Variants in BCAR1 observed in about 807,000 individuals in gnomAD.
BCAR1 encodes the protein breast cancer anti-estrogen resistance protein 1.
In BCAR1, 30 loss-of-function variants were observed where a neutral mutation model predicts 67.6. The ratio of observed to expected loss-of-function variants is 0.44; its 90% CI spans 0.33 to 0.60. The LOEUF (loss-of-function observed/expected upper bound fraction) is 0.60, where lower values mean the gene tolerates loss of function less well. Among genes scored for constraint, BCAR1 ranks in the 20% least tolerant of loss-of-function variants. The pLI, the probability that BCAR1 is intolerant of heterozygous loss-of-function variation, is 0.02. For synonymous variants in BCAR1, 626 were observed against 556.7 expected (o/e 1.12, Z -1.75); for missense variants, 1,313 against 1,222.3 (o/e 1.07, Z -1.11).
At chr16:75,243,582 C>G (rs4887810) in intron 1 of BCAR1, 1 of 444,580 alleles carries the variant, frequency 2.2e-6, no homozygotes, top group South Asian at 1.6e-5. Context: ...CTATCTACCC[C>G]AAATCCAAAA....
chr16:75,229,366 C>G lies in BCAR1; in HGVS notation c.*145G>C, dbSNP rs999156332. The G allele has an allele frequency of 1.6e-6, 2 of 1,272,194 alleles. No homozygotes were observed. Among genetic ancestry groups the G allele is most frequent in the Non-Finnish European group, 2.1e-6 (2 of 954,132 alleles). 78.8% of individuals were successfully genotyped at this position (1,272,194 alleles called of 1,614,324 possible). On this transcript the variant is annotated 3_prime_UTR_variant, in exon 7 of 7. Coordinates refer to ENST00000162330, the MANE Select transcript of BCAR1 (RefSeq NM_014567.5). The stretch of plus-strand genomic sequence containing the variant: ...CACCCTGCCCGGCCATAAATATATA[C>G]AGATTCCTGGGCATCCAGGGCACCA...
chr16:75,229,412 T>A lies in BCAR1; in HGVS notation c.*99A>T. The A allele has an allele frequency of 1.4e-6, 2 of 1,417,972 alleles. No individual in the cohort carries two copies. Among genetic ancestry groups the A allele is most frequent in the Non-Finnish European group, 9.2e-7 (1 of 1,082,390 alleles). 87.8% of individuals were successfully genotyped at this position (1,417,972 alleles called of 1,614,324 possible). On this transcript the variant is annotated 3_prime_UTR_variant, in exon 7 of 7. Coordinates refer to ENST00000162330, the MANE Select transcript of BCAR1 (RefSeq NM_014567.5). ...CACCAGGACCGACGCAGAGCTGGGGTCCTGTCCCTAAGCCTGTGGCACAGC... is the reference window on the plus strand; with the variant it reads ...CACCAGGACCGACGCAGAGCTGGGGACCTGTCCCTAAGCCTGTGGCACAGC...
chr16:75,238,114 C>T (rs1443981333), intron 2 of BCAR1: 1 of 1,288,854 alleles, frequency 7.8e-7, no homozygotes. Flanking sequence ...CCAGGGAAGC[C>T]AAGGCCCGCA....
Position 75,250,578 on chromosome 16 carries a change from C to T in BCAR1, c.12+893G>A. ...GTGGTAGAAAAGGAGCTGCTGTCCC[C>T]GATCTGGAACTCGAAACCCCAACAT... On this transcript the variant is annotated intron_variant, in intron 1 of 6. Transcript: ENST00000162330. 4.2e-6 allele frequency: 4 copies of T among 943,892 alleles called. No homozygotes were observed. In the South Asian group the frequency reaches 1.5e-4, roughly 35 times the overall value. 58.5% of individuals were successfully genotyped at this position (943,892 alleles called of 1,614,324 possible). A position where few individuals can be genotyped will look rare whatever the true frequency, so the allele number is the denominator to read the frequency against.
At chr16:75,237,577 CT>C in intron 2 of BCAR1, 1 of 513,442 alleles carries the variant, frequency 1.9e-6, no homozygotes, top group Non-Finnish European at 3.3e-6. Flanking sequence ...CTGCCTCGTC[CT>C]GGGCCAGGAC....
At chr16:75,265,826 G>A (rs2077998162) in intron 1 of BCAR1, 1 of 1,192,616 alleles carries the variant, frequency 8.4e-7, no homozygotes. Context: ...GGTACTCACA[G>A]GCACGGACAT....
At chr16:75,266,849 G>T in intron 1 of BCAR1, 1 of 1,222,146 alleles carries the variant, frequency 8.2e-7, no homozygotes, top group South Asian at 2.8e-5. Flanking sequence ...AGGGAGGAAA[G>T]ACGGAGCCAG....
chr16:75,248,069 C>T, intron 1 of BCAR1: 1 of 1,572,662 alleles, frequency 6.4e-7, no homozygotes. Context: ...TCTTACTAGA[C>T]AGGAAAACCA....
chr16:75,264,551 A>G, intron 1 of BCAR1: 2 of 1,371,720 alleles, frequency 1.5e-6, no homozygotes, highest in Non-Finnish European at 1.9e-6. Flanking sequence ...CTGAACCAGA[A>G]CGGATGGCGG....
chr16:75,262,896 G>C (rs2077936402), intron 1 of BCAR1, among the ~76,000 whole-genome samples: 1 of 152,180 alleles, frequency 6.6e-6, no homozygotes, highest in South Asian at 2.1e-4. Flanking sequence ...TCTTCGGGAA[G>C]CCACAGGTAG....
chr16:75,262,233 T>G (rs980654452), intron 1 of BCAR1, among the ~76,000 whole-genome samples: 10 of 152,208 alleles, frequency 6.6e-5, no homozygotes, highest in African/African-American at 2.2e-4. Context: ...CACTGGCCTG[T>G]GGGGGCTCCA....
intron 1 of BCAR1, among the ~76,000 whole-genome samples, chr16:75,243,921 C>A (rs921051790): frequency 3.9e-5 from 6 of 152,338 alleles, no homozygotes; most frequent in African/African-American, 1.4e-4. Context: ...GCAGGATGGG[C>A]CCAGAGAGAC....
chr16:75,246,519 TGAG>T (rs2077528656), intron 1 of BCAR1: 1 of 152,226 alleles, frequency 6.6e-6, no homozygotes, highest in South Asian at 2.1e-4. Flanking sequence ...GATTCCTGTC[TGAG>T]AAGAGCATGG....
chr16:75,243,164 T>C, intron 1 of BCAR1, 74 bp from the exon 2 acceptor site: 7 of 1,445,824 alleles, frequency 4.8e-6, no homozygotes, highest in Non-Finnish European at 5.6e-6. Flanking sequence ...GCTCCTGCCC[T>C]GCTCTGGGGA....
upstream of BCAR1, among the ~76,000 whole-genome samples, chr16:75,255,327 G>A (rs566047466): frequency 2.9e-4 from 44 of 152,258 alleles, no homozygotes; most frequent in South Asian, 6.2e-4. Flanking sequence ...TCCTGAGGCC[G>A]GAGGTGAGCA....
chr16:75,251,437 C>A, intron 1 of BCAR1, 34 bp downstream of exon 1: 8 of 1,468,908 alleles, frequency 5.4e-6, no homozygotes, highest in Non-Finnish European at 7.2e-6. Flanking sequence ...GCCTCCAAGC[C>A]CGTACGCGGC....
chr16:75,237,101 A>T, intron 3 of BCAR1, 82 bp downstream of exon 3: 2 of 1,507,170 alleles, frequency 1.3e-6, no homozygotes, highest in Middle Eastern at 3.8e-4. Context: ...CGGGGCTGAG[A>T]AGATGCAGCT....
At position 75,232,834 on chromosome 16, in the gene BCAR1, C is replaced by G. The variant is rs535997377; in HGVS notation, c.2100+1012G>C. On this transcript the variant is annotated intron_variant, in intron 6 of 6. Coordinates refer to ENST00000162330, the MANE Select transcript of BCAR1 (RefSeq NM_014567.5). Reference sequence around the variant, plus strand: ...CGGCTGCAGCCTCACTGCTGTGTGTCGTGGGTCTCAGGCCCCTGCCTCTGC... The same window carrying G: ...CGGCTGCAGCCTCACTGCTGTGTGTGGTGGGTCTCAGGCCCCTGCCTCTGC... Among the ~76,000 whole-genome samples, 774 of 152,260 alleles carry G rather than the reference C, an allele frequency of 5.1e-3. 5 individuals are homozygous for G. Among genetic ancestry groups the G allele is most frequent in the Non-Finnish European group, 8.7e-3 (589 of 68,024 alleles).
In BCAR1 at chr16:75,265,944, C is replaced by T. The variant is rs983845300; in HGVS notation, c.66+1971G>A. On this transcript the variant is annotated intron_variant, in intron 1 of 6. Transcript: ENST00000393422. ...CGCGAGGGGTCCCGGCGCTTTCCGG[C>T]TCCTCCGGCTCCTGAGCGTTCCCGG... The T allele has an allele frequency of 4.6e-6, 5 of 1,084,304 alleles. No homozygotes were observed. In the African/African-American group the frequency reaches 6.7e-5, roughly 15 times the overall value. 67.2% of individuals were successfully genotyped at this position (1,084,304 alleles called of 1,614,324 possible).
Sources: allele counts gnomAD v4.1 joint callset (sites outside exome capture counted in the v4.1 genomes callset), GRCh38; gene constraint gnomAD v4.1.1; transcripts MANE v1.5; gene names NCBI Gene and HGNC (gene_info 2026-07-23, HGNC 2026-07-21).